Variants in RPS17 observed in about 807,000 individuals in gnomAD.
RPS17 encodes the protein ribosomal protein S17.
For missense variants in RPS17, 68 were observed against 182.3 expected, an observed-to-expected ratio of 0.37 and a Z score of 3.61; for synonymous variants, 75 against 65.6, an observed-to-expected ratio of 1.14 and a Z score of -0.70.
intron 4 of RPS17, 194 bp from the exon 5 acceptor site, chr15:82,537,075 ACCATGTGGTATCC>A: frequency 1.5e-6 from 1 of 675,174 alleles, no homozygotes; most frequent in Admixed American, 2.3e-5. Context: ...CACACACCTG[ACCATGTGGTATCC>A]CCATTTACAA....
intron 2 of RPS17, chr15:82,539,675 C>A (rs1480619735): frequency 1.7e-5 from 8 of 460,818 alleles, no homozygotes; most frequent in Non-Finnish European, 3.2e-5. Flanking sequence ...GGCGCCAGGG[C>A]AAGATTCCGT....
chr15:82,540,298 C>G, intron 1 of RPS17, 128 bp downstream of exon 1: 2 of 1,585,784 alleles, frequency 1.3e-6, no homozygotes, highest in Non-Finnish European at 1.7e-6. Context: ...GCCGCCGGCC[C>G]GTTGCGCTCC....
intron 2 of RPS17, chr15:82,539,227 T>TCCCCCCCC: frequency 3.3e-6 from 2 of 606,022 alleles, no homozygotes; most frequent in Admixed American, 2.3e-5. Context: ...CACCCCCAAC[T>TCCCCCCCC]CGCCCCGCCC....
chr15:82,538,547 G>A, intron 3 of RPS17, 176 bp from the exon 4 acceptor site: 1 of 759,210 alleles, frequency 1.3e-6, no homozygotes, highest in Non-Finnish European at 2.3e-6. Flanking sequence ...TGTTCTTCTG[G>A]CCTTACCTTC....
intron 4 of RPS17, 21 bp downstream of exon 4, chr15:82,538,285 A>C: frequency 6.2e-7 from 1 of 1,613,350 alleles, no homozygotes; most frequent in Non-Finnish European, 8.5e-7. Flanking sequence ...ATACCACTTT[A>C]GGAATCCAGC....
chr15:82,538,886 A>G lies in RPS17; in HGVS notation c.255T>C (p.Val85=), dbSNP rs2034288051. The change falls in exon 3 of 5, where the codon GTT becomes GTC. Residue 85 remains valine, a synonymous_variant. Transcript: ENST00000647841. The part of the protein sequence containing the change: ...EEERERRDNY[V]PEVSALDQEI... ...AAATATCCAGAAAGTTTACCTCAGG[A>G]ACATAATTGTCTCTCCTTTCTCTCT... 4 of 1,613,792 alleles carry G rather than the reference A, an allele frequency of 2.5e-6. No homozygotes were observed. The highest frequency in any genetic ancestry group is 3.4e-6 in the Non-Finnish European group (4 of 1,179,834).
intron 3 of RPS17, 161 bp from the exon 4 acceptor site, chr15:82,538,532 T>G (rs1011547672): frequency 1.2e-6 from 1 of 818,756 alleles, no homozygotes; most frequent in African/African-American, 1.7e-5. Flanking sequence ...CAGACCCCGA[T>G]GACCTGTTCT....
rs965542770 is a variant in RPS17 at position 82,539,450 on chromosome 15, G to A, written c.156-465C>T. On this transcript the variant is annotated intron_variant, in intron 2 of 4. Transcript: ENST00000647841. ...CGCCTGTAATCCCAGCAATTTGGGA[G>A]GCCGAGGCGGGCGGATCGCTTGAGG... The A allele has an allele frequency of 5.1e-4, 234 of 459,226 alleles. 3 individuals carry two copies. Among genetic ancestry groups the A allele is most frequent in the South Asian group, 1.6e-3 (104 of 64,588 alleles). 28.4% of individuals were successfully genotyped at this position (459,226 alleles called of 1,614,324 possible). A position where few individuals can be genotyped will look rare whatever the true frequency, so the allele number is the denominator to read the frequency against.
At chr15:82,539,093 T>C (rs2150887912) in intron 2 of RPS17, 108 bp from the exon 3 acceptor site, 1 of 1,144,930 alleles carries the variant, frequency 8.7e-7, no homozygotes, top group East Asian at 2.3e-5. Flanking sequence ...TTTTCCACAG[T>C]GAGAAGGAAG....
chr15:82,537,552 C>T (rs1257184136), intron 4 of RPS17: 1 of 321,880 alleles, frequency 3.1e-6, no homozygotes, highest in Non-Finnish European at 6.0e-6. Flanking sequence ...AGCCAAGGGC[C>T]CAACTTATAC....
rs2034288791 is a variant in RPS17 at position 82,538,938 on chromosome 15, C to T, written c.203G>A (p.Gly68Asp). 6.2e-7 allele frequency: 1 copy of T among 1,613,878 alleles called. No individual in the cohort carries two copies. Among genetic ancestry groups the T allele is most frequent in the African/African-American group, 1.3e-5 (1 of 74,922 alleles). ...CTCCTCCTGCAGCTTGATGGAGATA[C>T]CTCTTACTGGGCCTCTCTGAATTCG... ...MKRIQRGPVR[G>D]ISIKLQEEER... Residue 68 changes from glycine to aspartate, a missense_variant, in exon 3 of 5, where the codon GGT (glycine) becomes GAT (aspartate). Transcript: ENST00000647841.
intron 4 of RPS17, 133 bp downstream of exon 4, chr15:82,538,173 C>A: frequency 1.1e-6 from 1 of 935,608 alleles, no homozygotes; most frequent in Non-Finnish European, 1.7e-6. Flanking sequence ...TGAAAGCAGT[C>A]CAGTTTAGTG....
At chr15:82,538,507 T>A (rs1350782490) in intron 3 of RPS17, 136 bp from the exon 4 acceptor site, 6 of 988,916 alleles carry the variant, frequency 6.1e-6, no homozygotes, top group Admixed American at 3.9e-5. Context: ...AGGTGAGCAG[T>A]CTCTTACAGT....
intron 4 of RPS17, chr15:82,537,372 T>C (rs1360343052): frequency 3.6e-6 from 1 of 277,034 alleles, no homozygotes; most frequent in Non-Finnish European, 7.0e-6. Flanking sequence ...CTCTGTCCCT[T>C]TGAGAATACA....
chr15:82,538,067 C>T, intron 4 of RPS17: 1 of 570,726 alleles, frequency 1.8e-6, no homozygotes. Flanking sequence ...ACAGAAGCAG[C>T]CAAGAGAGAA....
intron 2 of RPS17, 29 bp downstream of exon 2, chr15:82,539,952 C>G (rs2034316003): frequency 6.2e-7 from 1 of 1,611,998 alleles, no homozygotes; most frequent in African/African-American, 1.3e-5. Flanking sequence ...GATCGCGGAG[C>G]CCCGGAGGCC....
In RPS17 at chr15:82,539,869, G is replaced by C. The variant is rs1161985321; in HGVS notation, c.155+112C>G. 4.6e-6 allele frequency: 7 copies of C among 1,535,344 alleles called. No homozygotes were observed. In the Admixed American group the frequency reaches 1.2e-4, roughly 26 times the overall value. On this transcript the variant is annotated intron_variant, in intron 2 of 4. Transcript: ENST00000647841. ...GCTCTAGCCCTTCTCCGGGACACCA[G>C]GGAGTCTCAGGCTAACGAAACCACC...
At chr15:82,538,741 G>A (rs2034284623) in intron 3 of RPS17, 139 bp downstream of exon 3, 1 of 875,186 alleles carries the variant, frequency 1.1e-6, no homozygotes, top group East Asian at 2.4e-5. Context: ...ACTGGTAGGG[G>A]GCCTATGGGC....
chr15:82,539,196 C>T, intron 2 of RPS17: 1 of 686,378 alleles, frequency 1.5e-6, no homozygotes, highest in Non-Finnish European at 2.7e-6. Flanking sequence ...TCAAACTCTC[C>T]TTCATGATGA....
Sources: gnomAD v4.1 joint callset for allele counts on GRCh38, gnomAD v4.1.1 for gene constraint, MANE v1.5 for transcripts, NCBI Gene and HGNC (gene_info 2026-07-23, HGNC 2026-07-21) for gene names.